The following ANGPT4 variants were observed in gnomAD, a reference collection of about 807,000 sequenced individuals.
The protein encoded by ANGPT4 is angiopoietin 4.
ANGPT4 carries 50 observed loss-of-function variants against 53.0 expected under a neutral mutation model. The observed-to-expected ratio is 0.94, with a 90% CI of 0.75 to 1.20. ANGPT4 has a LOEUF of 1.20. Ranked by LOEUF, ANGPT4 falls within the 50% of genes most tolerant of loss-of-function variation. The pLI, the probability that ANGPT4 is intolerant of heterozygous loss-of-function variation, is 0.00. For synonymous variants in ANGPT4, 251 were observed against 259.7 expected (o/e 0.97, Z 0.32); for missense variants, 648 against 637.1 (o/e 1.02, Z -0.18).
chr20:903,452 T>C (rs964047474), intron 1 of ANGPT4, among the ~76,000 whole-genome samples: 11 of 152,140 alleles, frequency 7.2e-5, no homozygotes, highest in African/African-American at 2.2e-4. Context: ...CAAAGCTTCC[T>C]TGATACTGTC....
chr20:880,289 T>G lies in ANGPT4; in HGVS notation c.952-441A>C, dbSNP rs112389080. Among the ~76,000 whole-genome samples, 494 of 150,572 alleles carry G rather than the reference T, an allele frequency of 3.3e-3. 2 individuals carry two copies. The highest frequency in any genetic ancestry group is 0.011 in the African/African-American group (462 of 41,378). On this transcript the variant is annotated intron_variant, in intron 5 of 8. Coordinates refer to ENST00000381922, the MANE Select transcript of ANGPT4 (RefSeq NM_015985.4). ...CTGGAGACAAACAGAGGCATTCTCC[T>G]TAGTATATTAAGAGGGGGTGAAAGG...
intron 1 of ANGPT4, among the ~76,000 whole-genome samples, chr20:902,554 G>A (rs1212465473): frequency 2.6e-5 from 4 of 152,020 alleles, no homozygotes; most frequent in African/African-American, 9.7e-5. Context: ...AATTATGGAA[G>A]GTACTTGACC....
chr20:900,894 A>T (rs1198031914), intron 1 of ANGPT4, among the ~76,000 whole-genome samples: 2 of 152,256 alleles, frequency 1.3e-5, no homozygotes, highest in East Asian at 1.9e-4. Flanking sequence ...TCCTTCTCTT[A>T]TTCGGACCTT....
chr20:880,303 G>A (rs1981350739), intron 5 of ANGPT4, among the ~76,000 whole-genome samples: 1 of 124,382 alleles, frequency 8.0e-6, no homozygotes, highest in Non-Finnish European at 1.8e-5. Flanking sequence ...TATATTAAGA[G>A]GGGGTGAAAG....
rs377081959 is a variant in ANGPT4 at position 879,345 on chromosome 20, T to C, written c.1053+402A>G. ...ATAAAATACATGTGATCTTTGGGCC[T>C]GCAATTCCTCGTTAATGAATCTCTC... On this transcript the variant is annotated intron_variant, in intron 6 of 8. Transcript: ENST00000381922. 1.9e-4 allele frequency among the ~76,000 whole-genome samples: 29 copies of C among 152,304 alleles called. 1 individual carries two copies. The East Asian group carries it at 5.4e-3, about 28-fold the overall frequency.
chr20:872,828 G>T lies in ANGPT4; in HGVS notation c.*132C>A. On this transcript the variant is annotated 3_prime_UTR_variant, in exon 9 of 9. Transcript: ENST00000381922. ...TGACCCTTCTGGACTTCTGGGTCAA[G>T]GAGGGCTGGCTCAGGAAGCCCAGGG... The T allele has an allele frequency of 8.4e-7, 1 of 1,190,300 alleles. No homozygotes were observed. Among genetic ancestry groups the T allele is most frequent in the Non-Finnish European group, 1.2e-6 (1 of 839,064 alleles). The allele number at this position is 1,190,300 out of a possible 1,614,324, so 73.7% of individuals were successfully genotyped here.
intron 1 of ANGPT4, among the ~76,000 whole-genome samples, chr20:907,524 G>C (rs567882547): frequency 2.3e-4 from 35 of 152,188 alleles, no homozygotes; most frequent in Non-Finnish European, 4.7e-4. Flanking sequence ...GGAGAGGTGT[G>C]TCCATTTTGC....
At chr20:909,400 C>T (rs149335648) in intron 1 of ANGPT4, among the ~76,000 whole-genome samples, 27 of 152,174 alleles carry the variant, frequency 1.8e-4, no homozygotes, top group African/African-American at 6.3e-4. Flanking sequence ...GTATCATCAC[C>T]TCAATTTTAT....
rs1294563884 is a variant in ANGPT4 at position 908,231 on chromosome 20, A to G, written c.309+7675T>C. 6.6e-6 allele frequency among the ~76,000 whole-genome samples: 1 copy of G among 152,156 alleles called. No individual in the cohort carries two copies. Among genetic ancestry groups the G allele is most frequent in the African/African-American group, 2.4e-5 (1 of 41,420 alleles). On this transcript the variant is annotated intron_variant, in intron 1 of 8. Transcript: ENST00000381922. The surrounding 1 kb of genome is among the most constrained non-coding windows in gnomAD (Gnocchi z 4.9). ...GTCTCCATGGTCCTCCACGGAGAAC[A>G]GGGTCAGGACCAGGGACATCTGTCT...
intron 7 of ANGPT4, among the ~76,000 whole-genome samples, 154 bp from the exon 8 acceptor site, chr20:874,568 C>G (rs1436584016): frequency 6.6e-6 from 1 of 152,186 alleles, no homozygotes; most frequent in Non-Finnish European, 1.5e-5. Flanking sequence ...AGTGCTTGGG[C>G]TGTTTCCCTT....
At chr20:915,846 C>T (rs961767597) in intron 1 of ANGPT4, 60 bp downstream of exon 1, 35 of 1,510,022 alleles carry the variant, frequency 2.3e-5, no homozygotes, top group Non-Finnish European at 3.0e-5. Context: ...ACTCCACCTG[C>T]TGATTGTGAC....
At chr20:874,455 A>C (rs772019430) in intron 7 of ANGPT4, 41 bp from the exon 8 acceptor site, 35 of 1,611,026 alleles carry the variant, frequency 2.2e-5, no homozygotes, top group Non-Finnish European at 2.7e-5. Flanking sequence ...AAGGGCCCAG[A>C]GTCAGGTTGG....
In ANGPT4 at chr20:911,830, G is replaced by A. The variant is rs868038505; in HGVS notation, c.309+4076C>T. Among the ~76,000 whole-genome samples, 18 of 151,584 alleles carry A rather than the reference G, an allele frequency of 1.2e-4. No individual in the cohort carries two copies. The highest frequency in any genetic ancestry group is 2.1e-4 in the South Asian group (1 of 4,794). On this transcript the variant is annotated intron_variant, in intron 1 of 8. Coordinates refer to ENST00000381922, the MANE Select transcript of ANGPT4 (RefSeq NM_015985.4). The surrounding 1 kb of genome is among the most constrained non-coding windows in gnomAD (Gnocchi z 4.9). ...ACCTTGTCTTTAGGAGAGAGACAGA[G>A]AGAGGGAGAGAGGGACAGAGAGAGG...
chr20:879,985 G>A, intron 5 of ANGPT4, 137 bp from the exon 6 acceptor site: 1 of 503,170 alleles, frequency 2.0e-6, no homozygotes, highest in Non-Finnish European at 3.5e-6. Flanking sequence ...GCATCAGAAA[G>A]ATCCAGGCTT....
At chr20:915,231 C>G (rs941573604) in intron 1 of ANGPT4, among the ~76,000 whole-genome samples, 7 of 151,988 alleles carry the variant, frequency 4.6e-5, no homozygotes, top group Non-Finnish European at 8.8e-5. Context: ...GTGGCCCCCC[C>G]CCCAGCTGCA....
chr20:896,071 G>T (rs761432897), intron 1 of ANGPT4, among the ~76,000 whole-genome samples: 1 of 152,030 alleles, frequency 6.6e-6, no homozygotes, highest in Non-Finnish European at 1.5e-5. Context: ...AAAAAACAAC[G>T]CCCCCAACAC....
chr20:883,420 TCTC>T (rs2122778871), intron 4 of ANGPT4, among the ~76,000 whole-genome samples: 1 of 152,350 alleles, frequency 6.6e-6, no homozygotes, highest in East Asian at 1.9e-4. Flanking sequence ...TTGACTCTCT[TCTC>T]CTTTCACTAG....
chr20:895,625 G>A (rs1034222812), intron 1 of ANGPT4, among the ~76,000 whole-genome samples: 10 of 152,174 alleles, frequency 6.6e-5, no homozygotes, highest in African/African-American at 2.2e-4. Context: ...CCGTGGCCGA[G>A]GAGATCTGCT....
At position 908,196 on chromosome 20, in the gene ANGPT4, T is replaced by C. The variant is rs1255531939; in HGVS notation, c.309+7710A>G. ...AGGACAGGACAGAAAAGTGGCCACA[T>C]CTCTTCCCAGTCTCCATGGTCCTCC... is the stretch of plus-strand genomic sequence containing the variant. On this transcript the variant is annotated intron_variant, in intron 1 of 8. Coordinates refer to ENST00000381922, the MANE Select transcript of ANGPT4 (RefSeq NM_015985.4). The surrounding 1 kb of genome is among the most constrained non-coding windows in gnomAD (Gnocchi z 4.9). Among the ~76,000 whole-genome samples the C allele has an allele frequency of 6.6e-6, 1 of 151,998 alleles. No homozygotes were observed. Among genetic ancestry groups the C allele is most frequent in the Non-Finnish European group, 1.5e-5 (1 of 68,024 alleles).
Sources: allele counts gnomAD v4.1 joint callset (sites outside exome capture counted in the v4.1 genomes callset), GRCh38; gene constraint gnomAD v4.1.1; non-coding constraint Gnocchi (gnomAD v3.1); transcripts MANE v1.5; gene names NCBI Gene and HGNC (gene_info 2026-07-23, HGNC 2026-07-21).